The following PDE1C variants were observed in gnomAD, a reference collection of about 807,000 sequenced individuals.
The protein encoded by PDE1C is dual specificity calcium/calmodulin-dependent 3',5'-cyclic nucleotide phosphodiesterase 1C.
PDE1C carries 62 observed loss-of-function variants against 93.1 expected under a neutral mutation model. The observed-to-expected ratio is 0.67, with a 90% CI of 0.54 to 0.82. The LOEUF is 0.82. Ranked by LOEUF, PDE1C falls within the 40% of genes least tolerant of loss-of-function variation. PDE1C has a pLI of 0.00. For synonymous variants in PDE1C, 325 were observed against 310.1 expected (o/e 1.05, Z -0.50); for missense variants, 742 against 884.6 (o/e 0.84, Z 2.04).
chr7:32,362,641 G>A (rs557151775), intron 1 of PDE1C, among the ~76,000 whole-genome samples: 1 of 152,194 alleles, frequency 6.6e-6, no homozygotes, highest in South Asian at 2.1e-4. Flanking sequence ...CCCAACAGCA[G>A]GGCAGTAATC....
At chr7:31,920,192 C>A (rs1351826953) in intron 2 of PDE1C, among the ~76,000 whole-genome samples, 1 of 152,120 alleles carries the variant, frequency 6.6e-6, no homozygotes, top group African/African-American at 2.4e-5. Context: ...CCCTTTAACT[C>A]CCTGGTACTA....
chr7:32,359,051 T>C (rs1316872036), intron 1 of PDE1C, among the ~76,000 whole-genome samples: 1 of 152,188 alleles, frequency 6.6e-6, no homozygotes, highest in East Asian at 1.9e-4. Flanking sequence ...TCCCCACCCT[T>C]GATATCTGAC....
chr7:31,939,936 G>A (rs1449603833), intron 2 of PDE1C, among the ~76,000 whole-genome samples: 1 of 152,128 alleles, frequency 6.6e-6, no homozygotes, highest in African/African-American at 2.4e-5. Flanking sequence ...GAAAGAGTGA[G>A]TATCCACCAT....
chr7:32,214,432 T>C (rs1276315469), intron 1 of PDE1C, among the ~76,000 whole-genome samples: 2 of 152,090 alleles, frequency 1.3e-5, no homozygotes, highest in African/African-American at 2.4e-5. Flanking sequence ...TTACAAAATA[T>C]TGATGCCCAG....
chr7:31,718,137 C>T, the PDE1C span, among the ~76,000 whole-genome samples: 1 of 152,076 alleles, frequency 6.6e-6, no homozygotes, highest in African/African-American at 2.4e-5. Flanking sequence ...GATCTTGGTC[C>T]CAGAGCACCA....
At chr7:32,253,728 T>C (rs967477207) in intron 1 of PDE1C, among the ~76,000 whole-genome samples, 7 of 152,148 alleles carry the variant, frequency 4.6e-5, no homozygotes, top group South Asian at 4.1e-4. Context: ...GGGGAGATGA[T>C]GTATAAACAA....
intron 1 of PDE1C, among the ~76,000 whole-genome samples, chr7:32,237,833 T>C (rs962428583): frequency 1.0e-4 from 15 of 145,704 alleles, no homozygotes; most frequent in African/African-American, 3.5e-4. Flanking sequence ...TGCAATGGCA[T>C]GATCTCGGTT....
At chr7:32,383,670 T>A (rs981707296) in intron 1 of PDE1C, among the ~76,000 whole-genome samples, 1 of 152,060 alleles carries the variant, frequency 6.6e-6, no homozygotes, top group Non-Finnish European at 1.5e-5. Context: ...GATGGATGCA[T>A]GGATGGATGG....
At chr7:32,321,266 G>C (rs1021428877) in intron 1 of PDE1C, among the ~76,000 whole-genome samples, 1 of 152,124 alleles carries the variant, frequency 6.6e-6, no homozygotes. Context: ...TTGTTAGCCC[G>C]GCTTTGATTT....
chr7:31,715,311 TCA>T, the PDE1C span, among the ~76,000 whole-genome samples: 9 of 152,088 alleles, frequency 5.9e-5, no homozygotes, highest in Non-Finnish European at 1.3e-4. Flanking sequence ...CAATCTCAGC[TCA>T]CTGCAACCTC....
At chr7:32,363,235 T>A (rs941695484) in intron 1 of PDE1C, among the ~76,000 whole-genome samples, 4 of 152,214 alleles carry the variant, frequency 2.6e-5, no homozygotes, top group Admixed American at 2.0e-4. Flanking sequence ...AAATGTATGA[T>A]CATCTCATTG....
intron 5 of PDE1C, among the ~76,000 whole-genome samples, chr7:31,876,644 T>C (rs573695559): frequency 6.6e-6 from 1 of 152,330 alleles, no homozygotes; most frequent in African/African-American, 2.4e-5. Flanking sequence ...TTAATACAAC[T>C]TCATAGTGGA....
At chr7:32,282,047 T>C (rs1187610448) in intron 1 of PDE1C, among the ~76,000 whole-genome samples, 1 of 149,942 alleles carries the variant, frequency 6.7e-6, no homozygotes, top group East Asian at 2.0e-4. Context: ...TTAGGGGAAA[T>C]ACCTAATGTA....
chr7:32,289,062 T>G (rs968663719), intron 1 of PDE1C, among the ~76,000 whole-genome samples: 21 of 152,300 alleles, frequency 1.4e-4, no homozygotes, highest in African/African-American at 4.8e-4. Flanking sequence ...ATGTAGATAT[T>G]ATTATTCCTA....
chr7:32,071,343 C>T (rs1796041158), upstream of PDE1C: 1 of 985,476 alleles, frequency 1.0e-6, no homozygotes, highest in Admixed American at 6.1e-5. Context: ...CTCGCACCCG[C>T]CACAGAACCG....
At chr7:31,888,249 C>CAAAAAAAAAAAA (rs34112969) in intron 2 of PDE1C, among the ~76,000 whole-genome samples, 2 of 44,224 alleles carry the variant, frequency 4.5e-5, no homozygotes, top group African/African-American at 8.2e-5. Context: ...GACTCAGTCT[C>CAAAAAAAAAAAA]AAAAAAAAAA....
At chr7:31,727,698 C>A in the PDE1C span, among the ~76,000 whole-genome samples, 1 of 152,130 alleles carries the variant, frequency 6.6e-6, no homozygotes, top group African/African-American at 2.4e-5. Context: ...ACACAGCTTT[C>A]TTTAATTTTT....
chr7:31,775,529 C>T, intron 17 of PDE1C, 135 bp downstream of exon 17: 2 of 691,496 alleles, frequency 2.9e-6, no homozygotes, highest in Non-Finnish European at 5.0e-6. Context: ...GTGACAGAGA[C>T]AAAGCTCTCT....
At chr7:32,382,545 T>C (rs1784554476) in intron 1 of PDE1C, among the ~76,000 whole-genome samples, 1 of 152,088 alleles carries the variant, frequency 6.6e-6, no homozygotes, top group Non-Finnish European at 1.5e-5. Flanking sequence ...TCCTGGAGTC[T>C]CATGCCAAGC....
Sources: gnomAD v4.1 joint callset for allele counts (sites outside exome capture counted in the v4.1 genomes callset) on GRCh38, gnomAD v4.1.1 for gene constraint, MANE v1.5 for transcripts, NCBI Gene and HGNC (gene_info 2026-07-23, HGNC 2026-07-21) for gene names.